Variants in NRXN1 observed in about 807,000 individuals in gnomAD.
NRXN1 encodes the protein neurexin-1.
NRXN1 carries 39 observed loss-of-function variants against 150.9 expected under a neutral mutation model. The observed-to-expected ratio is 0.26, with a 90% CI of 0.20 to 0.34. The LOEUF is 0.34. NRXN1 is among the 10% of genes least tolerant of loss of function. The pLI, the probability that NRXN1 is intolerant of heterozygous loss-of-function variation, is 1.00. For missense variants in NRXN1, 1,815 were observed against 1,949.9 expected (o/e 0.93, Z 1.30); for synonymous variants, 924 against 757.0 (o/e 1.22, Z -3.62).
At chr2:51,018,984 T>G (rs1181688699) in intron 2 of NRXN1, among the ~76,000 whole-genome samples, 1 of 152,092 alleles carries the variant, frequency 6.6e-6, no homozygotes, top group African/African-American at 2.4e-5. Context: ...TGACAAGCTA[T>G]TCCATTTTCT....
intron 15 of NRXN1, among the ~76,000 whole-genome samples, chr2:50,475,383 G>A (rs553708804): frequency 1.1e-4 from 16 of 147,000 alleles, no homozygotes; most frequent in African/African-American, 3.8e-4. Flanking sequence ...TTGAGGCCAC[G>A]GTAGAAAAGA....
At chr2:50,828,654 C>T (rs1670901211) in intron 5 of NRXN1, among the ~76,000 whole-genome samples, 2 of 151,944 alleles carry the variant, frequency 1.3e-5, no homozygotes, top group African/African-American at 4.8e-5. Flanking sequence ...AGACACTCCT[C>T]ACTTCCTAGA....
intron 5 of NRXN1, among the ~76,000 whole-genome samples, chr2:50,705,932 G>T (rs1446342927): frequency 6.6e-6 from 1 of 152,120 alleles, no homozygotes; most frequent in Non-Finnish European, 1.5e-5. Context: ...AGAGATAAAG[G>T]AGTCAGTAAG....
At chr2:50,371,447 A>T (rs189872094) in intron 17 of NRXN1, among the ~76,000 whole-genome samples, 470 of 152,186 alleles carry the variant, frequency 3.1e-3, no homozygotes, top group Non-Finnish European at 1.2e-3. Context: ...CAAAAAATCA[A>T]ATATTTTATT....
chr2:50,219,677 A>G (rs1166503131), intron 18 of NRXN1, among the ~76,000 whole-genome samples: 1 of 150,908 alleles, frequency 6.6e-6, no homozygotes, highest in East Asian at 2.0e-4. Context: ...GCTTGAGCCC[A>G]GGAGTTAGAG....
intron 2 of NRXN1, among the ~76,000 whole-genome samples, chr2:50,951,404 G>A (rs1691313251): frequency 6.6e-6 from 1 of 152,200 alleles, no homozygotes; most frequent in Non-Finnish European, 1.5e-5. Context: ...TGTCCCGCCA[G>A]ATACCCAACT....
intron 21 of NRXN1, chr2:49,970,667 G>A (rs1677787378): frequency 1.3e-5 from 2 of 151,974 alleles, no homozygotes; most frequent in Admixed American, 6.6e-5. Context: ...CAGTCTTTCT[G>A]GTCAATACTG....
intron 12 of NRXN1, among the ~76,000 whole-genome samples, chr2:50,516,152 A>T (rs1357312492): frequency 1.3e-5 from 2 of 152,144 alleles, no homozygotes; most frequent in Non-Finnish European, 2.9e-5. Flanking sequence ...GGCACTTCTA[A>T]ATTTTCCTTT....
chr2:50,846,510 T>C (rs1673678773), intron 5 of NRXN1, among the ~76,000 whole-genome samples: 1 of 152,184 alleles, frequency 6.6e-6, no homozygotes, highest in Non-Finnish European at 1.5e-5. Context: ...CTCAGAAATG[T>C]CTTTACCCTT....
chr2:49,980,353 G>A (rs904681696), intron 21 of NRXN1, among the ~76,000 whole-genome samples: 4 of 151,978 alleles, frequency 2.6e-5, no homozygotes, highest in Admixed American at 2.6e-4. Context: ...AAGAACCTTG[G>A]GACCATATTG....
intron 5 of NRXN1, among the ~76,000 whole-genome samples, chr2:50,840,265 A>G (rs1233271689): frequency 6.6e-6 from 1 of 152,142 alleles, no homozygotes; most frequent in Non-Finnish European, 1.5e-5. Context: ...AACCACTTTA[A>G]GCAGCAACTT....
intron 5 of NRXN1, among the ~76,000 whole-genome samples, chr2:50,903,504 TGTTTTG>T (rs1218789075): frequency 1.3e-5 from 2 of 152,306 alleles, no homozygotes; most frequent in African/African-American, 4.8e-5. Flanking sequence ...GGTGTTTTTT[TGTTTTG>T]GTTTTTGTTT....
intron 8 of NRXN1, among the ~76,000 whole-genome samples, chr2:50,606,072 A>C (rs1677061656): frequency 6.6e-6 from 1 of 152,042 alleles, no homozygotes; most frequent in Non-Finnish European, 1.5e-5. Context: ...AACATGGTGA[A>C]ACCCCATCTC....
intron 5 of NRXN1, among the ~76,000 whole-genome samples, chr2:50,787,580 AAACAAC>A (rs141444424): frequency 8.6e-5 from 13 of 151,638 alleles, no homozygotes; most frequent in East Asian, 5.8e-4. Flanking sequence ...AAACAAAACA[AAACAAC>A]AACAACAACA....
intron 21 of NRXN1, among the ~76,000 whole-genome samples, chr2:49,961,341 C>A (rs544360479): frequency 6.6e-6 from 1 of 152,124 alleles, no homozygotes; most frequent in East Asian, 1.9e-4. Flanking sequence ...CACACACACA[C>A]ACACACATCA....
At chr2:50,607,177 T>C (rs1677271926) in intron 8 of NRXN1, among the ~76,000 whole-genome samples, 1 of 152,170 alleles carries the variant, frequency 6.6e-6, no homozygotes, top group Admixed American at 6.6e-5. Context: ...GGACACCTCC[T>C]TGTTCTCTGC....
At chr2:50,979,783 T>A (rs571629250) in intron 2 of NRXN1, among the ~76,000 whole-genome samples, 1 of 152,106 alleles carries the variant, frequency 6.6e-6, no homozygotes, top group African/African-American at 2.4e-5. Context: ...ACCAACACCA[T>A]TCAATATATT....
chr2:50,375,451 C>G (rs1005763794), intron 17 of NRXN1, among the ~76,000 whole-genome samples: 1 of 149,222 alleles, frequency 6.7e-6, no homozygotes, highest in African/African-American at 2.5e-5. Flanking sequence ...GATTACACGG[C>G]TAGCATGCCT....
At chr2:49,979,896 T>C (rs1679674891) in intron 21 of NRXN1, among the ~76,000 whole-genome samples, 1 of 113,890 alleles carries the variant, frequency 8.8e-6, no homozygotes, top group Non-Finnish European at 2.1e-5. Flanking sequence ...AGTCTTATAT[T>C]GTTTTTTTGG....
Sources: gnomAD v4.1 joint callset for allele counts (sites outside exome capture counted in the v4.1 genomes callset) on GRCh38, gnomAD v4.1.1 for gene constraint, MANE v1.5 for transcripts, NCBI Gene and HGNC (gene_info 2026-07-23, HGNC 2026-07-21) for gene names.